PDSS2: variants seen among roughly 807,000 people sequenced by gnomAD.
The protein encoded by PDSS2 is all trans-polyprenyl-diphosphate synthase PDSS2.
Under a neutral mutation model 44.5 loss-of-function variants are expected in PDSS2, and 31 were observed. The observed-to-expected ratio is 0.70, with a 90% CI of 0.52 to 0.94. The LOEUF is 0.94. Ranked by LOEUF, PDSS2 falls within the 40% of genes least tolerant of loss-of-function variation. The pLI is 0.00. For synonymous variants in PDSS2, 157 were observed against 180.3 expected (o/e 0.87, Z 1.03); for missense variants, 452 against 482.2 (o/e 0.94, Z 0.59).
chr6:107,352,419 A>G (rs1778460510), intron 1 of PDSS2, among the ~76,000 whole-genome samples: 1 of 152,226 alleles, frequency 6.6e-6, no homozygotes, highest in African/African-American at 2.4e-5. Context: ...AATTCTATTA[A>G]AAATTCTCTT....
Position 107,360,163 on chromosome 6 carries a change from T to G in PDSS2, c.297-25831A>C, listed in dbSNP as rs530096947. 2.6e-5 allele frequency among the ~76,000 whole-genome samples: 4 copies of G among 152,340 alleles called. No individual in the cohort carries two copies. In the East Asian group the frequency reaches 7.7e-4, roughly 29 times the overall value. The stretch of plus-strand genomic sequence containing the variant: ...TCTCAAGAATTGTGAAGGTTTATTA[T>G]ACTGGAGATTGCTAAAATGTTAGAT... On this transcript the variant is annotated intron_variant, in intron 1 of 7. Coordinates refer to ENST00000369037, the MANE Select transcript of PDSS2 (RefSeq NM_020381.4).
At chr6:107,190,774 G>A (rs1036311703) in intron 7 of PDSS2, among the ~76,000 whole-genome samples, 3 of 152,180 alleles carry the variant, frequency 2.0e-5, no homozygotes, top group Non-Finnish European at 4.4e-5. Flanking sequence ...ATGAAACTTG[G>A]TGCTGCTGCA....
At position 107,182,000 on chromosome 6, in the gene PDSS2, A is replaced by T. The variant is rs140700683; in HGVS notation, c.1041+11822T>A. ...TTTAATAATTTTATTCATGATCCAC[A>T]AAGGAATAGAGATTATGATAATTAA... On this transcript the variant is annotated intron_variant, in intron 7 of 7. Coordinates refer to ENST00000369037, the MANE Select transcript of PDSS2 (RefSeq NM_020381.4). 1.7e-3 allele frequency among the ~76,000 whole-genome samples: 257 copies of T among 152,282 alleles called. 1 individual carries two copies. The highest frequency in any genetic ancestry group is 6.0e-3 in the African/African-American group (251 of 41,554).
At chr6:107,191,952 G>A (rs964107462) in intron 7 of PDSS2, among the ~76,000 whole-genome samples, 4 of 152,148 alleles carry the variant, frequency 2.6e-5, no homozygotes, top group Non-Finnish European at 5.9e-5. Context: ...TCTGGTGTGG[G>A]ATGCTGATGG....
intron 2 of PDSS2, among the ~76,000 whole-genome samples, chr6:107,288,626 AC>A (rs1316463916): frequency 2.0e-5 from 3 of 152,102 alleles, no homozygotes; most frequent in Non-Finnish European, 4.4e-5. Context: ...AGACAGGAGC[AC>A]AGATGAGATT....
At chr6:107,156,608 G>T (rs1770907747) in intron 7 of PDSS2, among the ~76,000 whole-genome samples, 2 of 152,226 alleles carry the variant, frequency 1.3e-5, no homozygotes, top group African/African-American at 4.8e-5. Flanking sequence ...GGCTCCCAGA[G>T]ATTGGGTGTA....
intron 1 of PDSS2, among the ~76,000 whole-genome samples, chr6:107,417,778 TACACACACACACACAC>T (rs59602150): frequency 3.4e-5 from 5 of 147,054 alleles, no homozygotes; most frequent in African/African-American, 7.6e-5. Flanking sequence ...TTAATAATAA[TACACACACACACACAC>T]ACACACACAC....
intron 6 of PDSS2, among the ~76,000 whole-genome samples, chr6:107,206,512 G>C (rs1208217880): frequency 6.6e-6 from 1 of 152,166 alleles, no homozygotes; most frequent in Non-Finnish European, 1.5e-5. Flanking sequence ...GAATAATGGG[G>C]ATATGAGAGA....
intron 4 of PDSS2, among the ~76,000 whole-genome samples, chr6:107,226,738 C>T (rs1005696801): frequency 1.0e-4 from 15 of 149,468 alleles, no homozygotes; most frequent in Non-Finnish European, 1.5e-4. Flanking sequence ...GGCGCAATCT[C>T]GGCTCACTGC....
intron 1 of PDSS2, among the ~76,000 whole-genome samples, chr6:107,378,008 T>C (rs1276983293): frequency 6.6e-6 from 1 of 151,144 alleles, no homozygotes; most frequent in East Asian, 1.9e-4. Flanking sequence ...GCACATTGTG[T>C]ACATGTACCC....
At chr6:107,318,880 T>C (rs996693693) in intron 2 of PDSS2, among the ~76,000 whole-genome samples, 67 of 151,902 alleles carry the variant, frequency 4.4e-4, no homozygotes, top group Non-Finnish European at 8.4e-4. Context: ...CCCAGCTACT[T>C]GGGAGGCTGA....
rs776279846 is a variant in PDSS2 at position 107,334,300 on chromosome 6, T to C, written c.329A>G (p.Gln110Arg). The C allele has an allele frequency of 1.9e-6, 3 of 1,613,446 alleles. No individual in the cohort carries two copies. Among genetic ancestry groups the C allele is most frequent in the East Asian group, 4.5e-5 (2 of 44,860 alleles). ...AAGGAGCACCACCAAGCCCCTCAAC[T>C]GGAGGCTATTCCAGCTGTCATGTAC... ...GLVHDSWNSL[Q>R]LRGLVVLLIS... is the part of the protein sequence containing the mutation. The change falls in exon 2 of 8, where the codon CAG becomes CGG. Residue 110 changes from glutamine to arginine, a missense_variant. Transcript: ENST00000369037.
chr6:107,257,407 C>T (rs1775059666), intron 3 of PDSS2, among the ~76,000 whole-genome samples: 1 of 149,204 alleles, frequency 6.7e-6, no homozygotes, highest in Non-Finnish European at 1.5e-5. Context: ...GGCATGGTGT[C>T]TTGCGCTGTA....
intron 6 of PDSS2, among the ~76,000 whole-genome samples, chr6:107,194,194 C>T (rs1336338987): frequency 6.6e-6 from 1 of 152,168 alleles, no homozygotes; most frequent in Non-Finnish European, 1.5e-5. Flanking sequence ...CACAATAATG[C>T]CATATCATCT....
intron 3 of PDSS2, among the ~76,000 whole-genome samples, chr6:107,260,982 A>G: frequency 6.6e-6 from 1 of 151,914 alleles, no homozygotes; most frequent in East Asian, 1.9e-4. Context: ...TTTCATGGAC[A>G]TTTGCTAGAT....
intron 1 of PDSS2, among the ~76,000 whole-genome samples, chr6:107,395,067 A>C (rs1218793899): frequency 6.6e-6 from 1 of 152,000 alleles, no homozygotes; most frequent in African/African-American, 2.4e-5. Context: ...GGATATAGTA[A>C]TCTAGGTTGA....
intron 1 of PDSS2, among the ~76,000 whole-genome samples, chr6:107,398,197 T>G (rs1780006275): frequency 6.6e-6 from 1 of 152,196 alleles, no homozygotes; most frequent in Non-Finnish European, 1.5e-5. Flanking sequence ...GGAGGCTCCA[T>G]TTTCTCAACT....
At chr6:107,172,313 A>C (rs992220915) in intron 7 of PDSS2, among the ~76,000 whole-genome samples, 8 of 152,360 alleles carry the variant, frequency 5.3e-5, no homozygotes, top group African/African-American at 1.4e-4. Flanking sequence ...ATTAAAGAGA[A>C]GGCCCCGGCA....
chr6:107,177,173 C>A, intron 7 of PDSS2, among the ~76,000 whole-genome samples: 1 of 140,758 alleles, frequency 7.1e-6, no homozygotes, highest in Non-Finnish European at 1.5e-5. Context: ...CACTCTCACT[C>A]AGGCTGGAGT....
Sources: allele counts gnomAD v4.1 joint callset (sites outside exome capture counted in the v4.1 genomes callset), GRCh38; gene constraint gnomAD v4.1.1; transcripts MANE v1.5; gene names NCBI Gene and HGNC (gene_info 2026-07-23, HGNC 2026-07-21).